Variants in DPP10 observed in about 807,000 individuals in gnomAD.
DPP10 encodes the protein dipeptidyl peptidase like 10, also known as inactive dipeptidyl peptidase 10.
A neutral mutation model predicts 120.9 loss-of-function variants in DPP10; 33 were observed. The observed-to-expected ratio is 0.27, with a 90% CI of 0.21 to 0.37. The LOEUF (loss-of-function observed/expected upper bound fraction) is 0.37. Among genes scored for constraint, DPP10 ranks in the 10% least tolerant of loss-of-function variants. DPP10 has a pLI of 1.00. For synonymous variants in DPP10, 337 were observed against 326.1 expected (o/e 1.03, Z -0.36); for missense variants, 816 against 942.8 (o/e 0.87, Z 1.76).
chr2:114,631,779 A>G (rs1005805398), intron 1 of DPP10, among the ~76,000 whole-genome samples: 1 of 152,198 alleles, frequency 6.6e-6, no homozygotes, highest in Non-Finnish European at 1.5e-5. Context: ...AAAAAAATCA[A>G]TTATCAATAA....
At chr2:114,534,414 T>G (rs1400852642) in intron 1 of DPP10, among the ~76,000 whole-genome samples, 1 of 151,708 alleles carries the variant, frequency 6.6e-6, no homozygotes, top group Admixed American at 6.6e-5. Context: ...AATGAACTAC[T>G]CAGAGGTTTA....
intron 1 of DPP10, among the ~76,000 whole-genome samples, chr2:114,774,875 T>C (rs1459633208): frequency 6.6e-6 from 1 of 151,922 alleles, no homozygotes; most frequent in East Asian, 1.9e-4. Flanking sequence ...TTCAACTTTA[T>C]CTCTTTACTA....
intron 5 of DPP10, among the ~76,000 whole-genome samples, chr2:115,612,974 T>C (rs1465220554): frequency 4.6e-5 from 7 of 152,162 alleles, no homozygotes; most frequent in African/African-American, 1.7e-4. Flanking sequence ...TATAAAATGG[T>C]ACATAAATCA....
At chr2:115,248,327 T>G (rs188624188) in intron 1 of DPP10, among the ~76,000 whole-genome samples, 1 of 152,306 alleles carries the variant, frequency 6.6e-6, no homozygotes, top group East Asian at 1.9e-4. Flanking sequence ...TGCATCATTC[T>G]TTCATTCAGA....
intron 1 of DPP10, among the ~76,000 whole-genome samples, chr2:115,076,654 T>A (rs1242936156): frequency 6.6e-6 from 1 of 152,178 alleles, no homozygotes; most frequent in African/African-American, 2.4e-5. Flanking sequence ...TTTTTTGAGT[T>A]TTCTCTATGT....
Position 114,452,170 on chromosome 2 carries a change from T to C in DPP10, c.60+9332T>C, listed in dbSNP as rs536887349. 7.2e-5 allele frequency among the ~76,000 whole-genome samples: 11 copies of C among 152,296 alleles called. 1 individual carries two copies. The South Asian group carries it at 1.9e-3, about 26-fold the overall frequency. On this transcript the variant is annotated intron_variant, in intron 1 of 25. Transcript: ENST00000410059. ...TCTTGCATATTTATTGCTGATTCATTATTTCAACAATGCCTAGTAATACAT... is the reference window on the plus strand; with the variant it reads ...TCTTGCATATTTATTGCTGATTCATCATTTCAACAATGCCTAGTAATACAT...
At chr2:115,445,729 A>G (rs981780625) in intron 3 of DPP10, among the ~76,000 whole-genome samples, 1 of 152,228 alleles carries the variant, frequency 6.6e-6, no homozygotes, top group African/African-American at 2.4e-5. Context: ...TAGAAAAGAA[A>G]AACCCATTTT....
chr2:114,475,088 A>G (rs151301694), intron 1 of DPP10, among the ~76,000 whole-genome samples: 107 of 152,322 alleles, frequency 7.0e-4, no homozygotes, highest in African/African-American at 2.4e-3. Flanking sequence ...TGAATTCCCA[A>G]TGTATGCATT....
intron 1 of DPP10, among the ~76,000 whole-genome samples, chr2:114,586,269 G>GAAC (rs1004132283): frequency 3.9e-5 from 6 of 151,982 alleles, no homozygotes; most frequent in South Asian, 2.1e-4. Flanking sequence ...GCAAGCAAGC[G>GAAC]AACAACAACA....
chr2:114,855,215 G>T (rs2106504926), intron 1 of DPP10, among the ~76,000 whole-genome samples: 1 of 152,278 alleles, frequency 6.6e-6, no homozygotes, highest in East Asian at 1.9e-4. Flanking sequence ...TATCTCAATT[G>T]TAGAACTTTA....
intron 1 of DPP10, among the ~76,000 whole-genome samples, chr2:114,535,720 T>G (rs1686429017): frequency 6.6e-6 from 1 of 152,182 alleles, no homozygotes; most frequent in Non-Finnish European, 1.5e-5. Flanking sequence ...CAGACAGTTT[T>G]TTTTTCTGAA....
At chr2:114,800,876 T>C (rs890196914) in intron 1 of DPP10, among the ~76,000 whole-genome samples, 2 of 151,694 alleles carry the variant, frequency 1.3e-5, no homozygotes, top group Admixed American at 1.3e-4. Flanking sequence ...AAATCATATG[T>C]ATTAGAAAAA....
At chr2:115,361,791 T>C (rs140482369) in intron 3 of DPP10, among the ~76,000 whole-genome samples, 89 of 152,144 alleles carry the variant, frequency 5.8e-4, no homozygotes, top group African/African-American at 2.0e-3. Context: ...AGTGTTTGTG[T>C]TGCCTCTCTG....
At chr2:114,730,948 C>A (rs1416216822) in intron 1 of DPP10, among the ~76,000 whole-genome samples, 2 of 150,866 alleles carry the variant, frequency 1.3e-5, no homozygotes, top group Non-Finnish European at 3.0e-5. Context: ...GAAGAGCCAG[C>A]CAGAAAGTCT....
At chr2:114,521,909 G>T (rs184539068) in intron 1 of DPP10, among the ~76,000 whole-genome samples, 1 of 145,348 alleles carries the variant, frequency 6.9e-6, no homozygotes, top group Non-Finnish European at 1.5e-5. Flanking sequence ...CCGGGTTCAC[G>T]CCATTCTCCT....
intron 1 of DPP10, among the ~76,000 whole-genome samples, chr2:114,493,835 G>A (rs1682224363): frequency 6.6e-6 from 1 of 152,114 alleles, no homozygotes; most frequent in South Asian, 2.1e-4. Flanking sequence ...CATGAACGAT[G>A]GTAAAATCGA....
chr2:115,378,680 G>T (rs1400505654), intron 3 of DPP10, among the ~76,000 whole-genome samples: 1 of 151,834 alleles, frequency 6.6e-6, no homozygotes, highest in Non-Finnish European at 1.5e-5. Context: ...TATGATATTG[G>T]CTGTGGGTTT....
chr2:114,449,749 C>T (rs1169489194), intron 1 of DPP10, among the ~76,000 whole-genome samples: 1 of 152,016 alleles, frequency 6.6e-6, no homozygotes, highest in Non-Finnish European at 1.5e-5. Flanking sequence ...ATGATTTGTT[C>T]TAGTAGCAAT....
intron 3 of DPP10, among the ~76,000 whole-genome samples, chr2:115,428,829 AT>A (rs1308904479): frequency 6.6e-6 from 1 of 152,196 alleles, no homozygotes; most frequent in African/African-American, 2.4e-5. Flanking sequence ...AGACTGGGTT[AT>A]TTATAACCTG....
Sources: allele counts gnomAD v4.1 joint callset (sites outside exome capture counted in the v4.1 genomes callset), GRCh38; gene constraint gnomAD v4.1.1; transcripts MANE v1.5; gene names NCBI Gene and HGNC (gene_info 2026-07-23, HGNC 2026-07-21).